The following CNTNAP4 variants were observed in gnomAD, a reference collection of about 807,000 sequenced individuals.
The protein encoded by CNTNAP4 is contactin associated protein family member 4, also known as contactin-associated protein-like 4.
CNTNAP4 carries 98 observed loss-of-function variants against 148.4 expected under a neutral mutation model. The ratio of observed to expected loss-of-function variants is 0.66; its 90% CI spans 0.56 to 0.78. The LOEUF (loss-of-function observed/expected upper bound fraction) is 0.78. Among genes scored for constraint, CNTNAP4 ranks in the 30% least tolerant of loss-of-function variants. The pLI, the probability that CNTNAP4 is intolerant of heterozygous loss-of-function variation, is 0.00. For synonymous variants in CNTNAP4, 730 were observed against 565.1 expected, an observed-to-expected ratio of 1.29 and a Z score of -4.14; for missense variants, 1,935 against 1,565.6, an observed-to-expected ratio of 1.24 and a Z score of -3.98.
chr16:76,322,129 C>CT (rs781051098), intron 2 of CNTNAP4, among the ~76,000 whole-genome samples: 5 of 152,194 alleles, frequency 3.3e-5, no homozygotes, highest in Non-Finnish European at 7.3e-5. Flanking sequence ...ATCCGATGTG[C>CT]TGAGAGTATG....
intron 3 of CNTNAP4, among the ~76,000 whole-genome samples, chr16:76,385,423 A>G (rs757498733): frequency 4.6e-5 from 7 of 152,234 alleles, no homozygotes; most frequent in Non-Finnish European, 8.8e-5. Flanking sequence ...AACCTGAAAA[A>G]TACAGAGAAA....
At chr16:76,420,791 T>G (rs1260373984) in intron 3 of CNTNAP4, among the ~76,000 whole-genome samples, 1 of 152,054 alleles carries the variant, frequency 6.6e-6, no homozygotes, top group African/African-American at 2.4e-5. Flanking sequence ...TCTTTGGGTT[T>G]TCTTCTTCTA....
At chr16:76,325,081 T>C (rs1962832470) in intron 2 of CNTNAP4, among the ~76,000 whole-genome samples, 1 of 152,194 alleles carries the variant, frequency 6.6e-6, no homozygotes, top group South Asian at 2.1e-4. Flanking sequence ...TATCATGTAG[T>C]GAGCCTGACA....
intron 1 of CNTNAP4, among the ~76,000 whole-genome samples, chr16:76,303,967 T>C (rs1193055205): frequency 3.3e-5 from 5 of 152,188 alleles, no homozygotes; most frequent in African/African-American, 9.7e-5. Context: ...GTAAGACATA[T>C]CTACAAAACT....
At chr16:76,283,512 C>G (rs2143759259) in intron 1 of CNTNAP4, among the ~76,000 whole-genome samples, 1 of 152,102 alleles carries the variant, frequency 6.6e-6, no homozygotes, top group African/African-American at 2.4e-5. Context: ...TTTGTAGTGC[C>G]ATGGATGGTG....
intron 17 of CNTNAP4, among the ~76,000 whole-genome samples, chr16:76,523,993 G>C (rs2083602703): frequency 6.6e-6 from 1 of 152,144 alleles, no homozygotes; most frequent in Admixed American, 6.5e-5. Flanking sequence ...GAAGAAATTT[G>C]ATCAGATCCC....
At chr16:76,487,988 G>C (rs1213992401) in intron 12 of CNTNAP4, among the ~76,000 whole-genome samples, 1 of 152,128 alleles carries the variant, frequency 6.6e-6, no homozygotes, top group Non-Finnish European at 1.5e-5. Context: ...TTGCTTGGTA[G>C]CTAGCTTCTT....
intron 17 of CNTNAP4, 37 bp from the exon 18 acceptor site, chr16:76,535,508 T>C: frequency 1.2e-6 from 2 of 1,607,588 alleles, no homozygotes; most frequent in East Asian, 2.2e-5. Context: ...ATAAAACACC[T>C]AGGAACATGT....
chr16:76,308,647 C>T (rs2144011054), intron 1 of CNTNAP4, among the ~76,000 whole-genome samples: 1 of 152,246 alleles, frequency 6.6e-6, no homozygotes, highest in Admixed American at 6.5e-5. Flanking sequence ...AATTAATTTG[C>T]AGCTCTATTT....
At chr16:76,524,911 A>G (rs1221466194) in intron 17 of CNTNAP4, among the ~76,000 whole-genome samples, 3 of 152,140 alleles carry the variant, frequency 2.0e-5, no homozygotes, top group Non-Finnish European at 4.4e-5. Flanking sequence ...CTGCTCACAG[A>G]TAACTGTGAG....
At chr16:76,356,331 G>T (rs537551864) in intron 3 of CNTNAP4, among the ~76,000 whole-genome samples, 1 of 151,772 alleles carries the variant, frequency 6.6e-6, no homozygotes. Flanking sequence ...ACACATGTAC[G>T]CATATATATG....
chr16:76,351,383 C>T (rs1449097249), intron 2 of CNTNAP4, among the ~76,000 whole-genome samples: 1 of 151,834 alleles, frequency 6.6e-6, no homozygotes, highest in Non-Finnish European at 1.5e-5. Context: ...AAAAATTCTG[C>T]AAAGAATAAT....
chr16:76,349,391 C>G (rs1209513123), intron 2 of CNTNAP4, among the ~76,000 whole-genome samples: 1 of 152,088 alleles, frequency 6.6e-6, no homozygotes, highest in Non-Finnish European at 1.5e-5. Flanking sequence ...AACATGAGAA[C>G]AGACCGACAG....
intron 15 of CNTNAP4, among the ~76,000 whole-genome samples, chr16:76,511,108 C>A (rs2083008147): frequency 6.6e-6 from 1 of 152,148 alleles, no homozygotes; most frequent in Non-Finnish European, 1.5e-5. Context: ...GTCTGAATTT[C>A]TGCTCTCAGT....
At chr16:76,438,202 G>T (rs1506819) in intron 4 of CNTNAP4, among the ~76,000 whole-genome samples, 49,331 of 151,998 alleles carry the variant, frequency 0.32, 8,701 homozygotes, top group Middle Eastern at 0.49. Context: ...CAGAGAGCAA[G>T]GGTCCGTGCT....
intron 1 of CNTNAP4, among the ~76,000 whole-genome samples, chr16:76,309,681 A>G (rs1463539496): frequency 6.6e-6 from 1 of 152,104 alleles, no homozygotes; most frequent in African/African-American, 2.4e-5. Context: ...TCTCAACTTG[A>G]ATTGTATCTC....
chr16:76,497,221 T>C (rs552201227), intron 14 of CNTNAP4, among the ~76,000 whole-genome samples: 189 of 152,302 alleles, frequency 1.2e-3, no homozygotes, highest in African/African-American at 4.4e-3. Context: ...AACATATGGA[T>C]TTACAATATA....
At position 76,448,224 on chromosome 16, in the gene CNTNAP4, A is replaced by C. The variant is rs752972815; in HGVS notation, c.742+9A>C. On this transcript the variant is annotated intron_variant, in intron 5 of 23. Transcript: ENST00000611870. The stretch of plus-strand genomic sequence containing the variant: ...TTTACTTATTAATTCAGGTAAAACT[A>C]TTCGGTGAAGTGCTCAAAAATCTGA... 2.5e-6 allele frequency: 4 copies of C among 1,587,572 alleles called. No homozygotes were observed. The highest frequency in any genetic ancestry group is 3.5e-6 in the Non-Finnish European group (4 of 1,159,332).
intron 1 of CNTNAP4, among the ~76,000 whole-genome samples, chr16:76,291,850 C>T (rs369186021): frequency 1.3e-5 from 2 of 152,328 alleles, no homozygotes; most frequent in African/African-American, 4.8e-5. Flanking sequence ...GCTTGCCATA[C>T]ATTATTTCAG....
Sources: gnomAD v4.1 joint callset for allele counts (sites outside exome capture counted in the v4.1 genomes callset) on GRCh38, gnomAD v4.1.1 for gene constraint, MANE v1.5 for transcripts, NCBI Gene and HGNC (gene_info 2026-07-23, HGNC 2026-07-21) for gene names.